GLRA3: variants seen among roughly 807,000 people sequenced by gnomAD.
GLRA3 encodes glycine receptor alpha 3.
In GLRA3, 44 loss-of-function variants were observed where a neutral mutation model predicts 60.4. That is an observed-to-expected ratio of 0.73 (90% CI 0.57 to 0.94). GLRA3 has a LOEUF of 0.94. Ranked by LOEUF, GLRA3 falls within the 40% of genes least tolerant of loss-of-function variation. GLRA3 has a pLI of 0.00. For missense variants in GLRA3, 508 were observed against 564.6 expected, an observed-to-expected ratio of 0.90 and a Z score of 1.02; for synonymous variants, 223 against 192.9, an observed-to-expected ratio of 1.16 and a Z score of -1.29.
chr4:174,738,456 G>A (rs980715999), intron 3 of GLRA3, among the ~76,000 whole-genome samples: 1 of 152,154 alleles, frequency 6.6e-6, no homozygotes, highest in Admixed American at 6.5e-5. Flanking sequence ...AAGATAGGTT[G>A]CAAAATTTTG....
At chr4:174,739,650 A>G (rs1736934449) in intron 3 of GLRA3, among the ~76,000 whole-genome samples, 1 of 152,220 alleles carries the variant, frequency 6.6e-6, no homozygotes, top group South Asian at 2.1e-4. Flanking sequence ...TAGAAGCACC[A>G]TTGGCTTCAT....
intron 1 of GLRA3, among the ~76,000 whole-genome samples, chr4:174,823,160 T>C (rs1740813858): frequency 6.6e-6 from 1 of 152,180 alleles, no homozygotes; most frequent in Non-Finnish European, 1.5e-5. Context: ...CTGGAGTTAC[T>C]TGTCTCTTTT....
chr4:174,661,911 C>T (rs945509393), intron 7 of GLRA3, among the ~76,000 whole-genome samples: 13 of 152,266 alleles, frequency 8.5e-5, no homozygotes, highest in South Asian at 8.3e-4. Flanking sequence ...AAGCTACGTC[C>T]GTATTTTCTA....
intron 3 of GLRA3, among the ~76,000 whole-genome samples, chr4:174,749,712 A>T (rs1737389533): frequency 6.6e-6 from 1 of 152,096 alleles, no homozygotes; most frequent in African/African-American, 2.4e-5. Flanking sequence ...GCATGGTCAG[A>T]GAACCAGGGA....
At chr4:174,737,472 T>G (rs1736846049) in intron 3 of GLRA3, among the ~76,000 whole-genome samples, 1 of 152,176 alleles carries the variant, frequency 6.6e-6, no homozygotes, top group Non-Finnish European at 1.5e-5. Flanking sequence ...TTCCAATAAT[T>G]ATTTTCAAAT....
chr4:174,699,217 G>T (rs9684503), intron 5 of GLRA3, among the ~76,000 whole-genome samples: 31,467 of 151,986 alleles, frequency 0.21, 3,448 homozygotes, highest in East Asian at 0.4. Context: ...GGTCAGGCTG[G>T]TCTCGAACTC....
intron 9 of GLRA3, among the ~76,000 whole-genome samples, chr4:174,654,958 G>A (rs4479681): frequency 0.52 from 78,650 of 151,890 alleles, 21,761 homozygotes; most frequent in African/African-American, 0.72. Flanking sequence ...TTCACAGAGG[G>A]AAAAGTAAGT....
At chr4:174,768,356 T>G (rs1561105755) in intron 2 of GLRA3, among the ~76,000 whole-genome samples, 1 of 152,332 alleles carries the variant, frequency 6.6e-6, no homozygotes, top group Non-Finnish European at 1.5e-5. Flanking sequence ...ACGGTTAATC[T>G]TGACAATTTT....
intron 9 of GLRA3, among the ~76,000 whole-genome samples, chr4:174,652,826 C>A (rs1286131129): frequency 6.6e-6 from 1 of 152,104 alleles, no homozygotes; most frequent in Non-Finnish European, 1.5e-5. Flanking sequence ...AATTTTGTAT[C>A]TTCTTCTTAG....
intron 3 of GLRA3, among the ~76,000 whole-genome samples, chr4:174,733,858 T>C (rs1342627876): frequency 6.6e-6 from 1 of 152,180 alleles, no homozygotes. Context: ...CTGTTTCTTC[T>C]GTGGCCACAT....
At chr4:174,751,049 G>A (rs1737453350) in intron 3 of GLRA3, among the ~76,000 whole-genome samples, 1 of 110,206 alleles carries the variant, frequency 9.1e-6, no homozygotes, top group South Asian at 3.2e-4. Flanking sequence ...AAAAAGAGAA[G>A]CCTGTCTGTC....
At chr4:174,720,959 G>A (rs927612695) in intron 4 of GLRA3, among the ~76,000 whole-genome samples, 1 of 151,898 alleles carries the variant, frequency 6.6e-6, no homozygotes, top group Non-Finnish European at 1.5e-5. Context: ...GGATGGGCAG[G>A]GCAAAAGTAC....
At chr4:174,669,643 A>C (rs755368648) in intron 7 of GLRA3, among the ~76,000 whole-genome samples, 63 of 152,212 alleles carry the variant, frequency 4.1e-4, no homozygotes, top group Middle Eastern at 3.4e-3. Flanking sequence ...TGGTGTAATC[A>C]TAACTCACTG....
Position 174,643,709 on chromosome 4 carries a change from C to T in GLRA3, c.*77G>A, listed in dbSNP as rs6844914. On this transcript the variant is annotated 3_prime_UTR_variant, in exon 10 of 10. Transcript: ENST00000274093. ...GGTCATCATTTGTATACCACACGCA[C>T]ACATATACACATACACACCTATGGC... 87,389 of 1,528,924 alleles carry T rather than the reference C, an allele frequency of 0.057. 2,980 individuals carry two copies. The highest frequency in any genetic ancestry group is 0.14 in the South Asian group (10,459 of 76,050). 94.7% of individuals were successfully genotyped at this position (1,528,924 alleles called of 1,614,324 possible). A position where few individuals can be genotyped will look rare whatever the true frequency, so the allele number is the denominator to read the frequency against.
chr4:174,765,336 C>T (rs548759847), intron 3 of GLRA3, among the ~76,000 whole-genome samples: 3 of 152,036 alleles, frequency 2.0e-5, no homozygotes, highest in Non-Finnish European at 2.9e-5. Context: ...GGAAATCTGC[C>T]TATGCCCTCT....
chr4:174,721,465 TATATATAAC>T (rs1476358018), intron 4 of GLRA3, among the ~76,000 whole-genome samples: 44 of 146,264 alleles, frequency 3.0e-4, no homozygotes, highest in Admixed American at 1.1e-3. Flanking sequence ...TATACACACA[TATATATAAC>T]ATATATAACA....
At chr4:174,715,103 G>A (rs192701546) in intron 5 of GLRA3, among the ~76,000 whole-genome samples, 28 of 152,300 alleles carry the variant, frequency 1.8e-4, no homozygotes, top group Non-Finnish European at 3.7e-4. Flanking sequence ...ATTTGAAAAC[G>A]TAGGGATAAC....
intron 5 of GLRA3, among the ~76,000 whole-genome samples, chr4:174,710,497 T>C (rs747754242): frequency 6.6e-6 from 1 of 152,172 alleles, no homozygotes. Flanking sequence ...CTTCTTTTTA[T>C]ATAGCAAATA....
intron 9 of GLRA3, among the ~76,000 whole-genome samples, chr4:174,648,443 G>A (rs942636890): frequency 4.6e-5 from 7 of 152,284 alleles, no homozygotes; most frequent in African/African-American, 1.7e-4. Context: ...CAGCCTGGAT[G>A]ACAAGAGTGA....
Sources: allele counts gnomAD v4.1 joint callset (sites outside exome capture counted in the v4.1 genomes callset), GRCh38; gene constraint gnomAD v4.1.1; transcripts MANE v1.5; gene names NCBI Gene and HGNC (gene_info 2026-07-23, HGNC 2026-07-21).